Variants in IL16 observed in about 807,000 individuals in gnomAD.
IL16 encodes the protein interleukin 16, also known as pro-interleukin-16.
In IL16, 67 loss-of-function variants were observed where a neutral mutation model predicts 110.1. The observed-to-expected ratio is 0.61, with a 90% CI of 0.50 to 0.75. The LOEUF is 0.75. Among genes scored for constraint, IL16 ranks in the 30% least tolerant of loss-of-function variants. The pLI is 0.00. For synonymous variants in IL16, 689 were observed against 662.9 expected, an observed-to-expected ratio of 1.04 and a Z score of -0.61; for missense variants, 1,545 against 1,655.0, an observed-to-expected ratio of 0.93 and a Z score of 1.15.
chr15:81,292,460 T>C, intron 11 of IL16, 96 bp from the exon 12 acceptor site: 2 of 1,552,478 alleles, frequency 1.3e-6, no homozygotes, highest in Non-Finnish European at 8.9e-7. Context: ...ATGGCCGATG[T>C]GCAGTGTGCT....
rs1048992417 is a variant in IL16, at chr15:81,290,503, C to G, written c.1383C>G (p.Thr461=). ...KEAVAQAVEN[T]KFGKERHQWS... ...CTGTGGCCCAGGCTGTGGAAAACACCAAGTTTGGAAAGGAGAGGCATCAGT... is the reference window on the plus strand; with the variant it reads ...CTGTGGCCCAGGCTGTGGAAAACACGAAGTTTGGAAAGGAGAGGCATCAGT... Residue 461 remains threonine (T), a synonymous_variant, in exon 11 of 19, where the codon ACC becomes ACG. Coordinates refer to ENST00000683961, the MANE Select transcript of IL16 (RefSeq NM_172217.5). 27 of 1,613,302 alleles carry G rather than the reference C, an allele frequency of 1.7e-5. No homozygotes were observed. The highest frequency in any genetic ancestry group is 2.3e-5 in the Non-Finnish European group (27 of 1,179,614).
chr15:81,303,542 T>C lies in IL16; in HGVS notation c.3319-7T>C, dbSNP rs112611259. The C allele has an allele frequency of 6.3e-7, 1 of 1,590,234 alleles. No individual in the cohort carries two copies. ...AATGTTTTTGAATGTATGTATTTCC[T>C]CTGCAGCAATTAGACGGCATCCATG... On this transcript the variant is annotated splice_region_variant and splice_polypyrimidine_tract_variant and intron_variant, in intron 15 of 18. Transcript: ENST00000683961. The surrounding 1 kb of genome is among the most constrained non-coding windows in gnomAD (Gnocchi z 4.1).
intron 2 of IL16, among the ~76,000 whole-genome samples, chr15:81,255,028 A>C (rs547966959): frequency 6.6e-6 from 1 of 152,186 alleles, no homozygotes; most frequent in Admixed American, 6.5e-5. Flanking sequence ...GAGTCATGAG[A>C]GAGTTAGTGC....
chr15:81,298,934 G>A (rs1900124276), intron 13 of IL16, among the ~76,000 whole-genome samples: 1 of 152,190 alleles, frequency 6.6e-6, no homozygotes, highest in African/African-American at 2.4e-5. Context: ...CATGACCTTT[G>A]TCTTAAAAGT....
At chr15:81,210,994 T>G (rs1008789693) in intron 1 of IL16, among the ~76,000 whole-genome samples, 2 of 152,188 alleles carry the variant, frequency 1.3e-5, no homozygotes, top group African/African-American at 4.8e-5. Flanking sequence ...TAGATGGCTC[T>G]TATTATTTTG....
chr15:81,297,096 T>A lies in IL16; in HGVS notation c.2053+18T>A. The A allele has an allele frequency of 5.6e-6, 9 of 1,599,610 alleles. No individual in the cohort carries two copies. The highest frequency in any genetic ancestry group is 7.7e-6 in the Non-Finnish European group (9 of 1,173,626). On this transcript the variant is annotated intron_variant, in intron 13 of 18. Coordinates refer to ENST00000683961, the MANE Select transcript of IL16 (RefSeq NM_172217.5). The stretch of plus-strand genomic sequence containing the variant: ...CAGCCCAGGTAAGCTTTCATTGAGA[T>A]CTTCCAAAAGGAAGGGTCTTTTGAA...
intron 2 of IL16, among the ~76,000 whole-genome samples, chr15:81,257,296 A>G (rs567677995): frequency 6.6e-6 from 1 of 152,342 alleles, no homozygotes; most frequent in East Asian, 1.9e-4. Flanking sequence ...ACTGGAAACA[A>G]TCTTTTTCAA....
At chr15:81,215,903 G>A (rs1177044812) in intron 1 of IL16, among the ~76,000 whole-genome samples, 1 of 152,188 alleles carries the variant, frequency 6.6e-6, no homozygotes, top group African/African-American at 2.4e-5. Flanking sequence ...GCTGCACTGG[G>A]GATTCTATGT....
At position 81,247,076 on chromosome 15, in the gene IL16, C is replaced by CTTTTTTTTTTTTTTTTTTTTT. The variant is rs57484982; in HGVS notation, c.313-12676_313-12675insTTTTTTTTTTTTTTTTTTTTT. 1.4e-4 allele frequency among the ~76,000 whole-genome samples: 13 copies of CTTTTTTTTTTTTTTTTTTTTT among 92,616 alleles called. 2 individuals are homozygous for CTTTTTTTTTTTTTTTTTTTTT. The highest frequency in any genetic ancestry group is 2.9e-4 in the African/African-American group (6 of 20,786). 60.8% of individuals were successfully genotyped at this position (92,616 alleles called of 152,430 possible). On this transcript the variant is annotated intron_variant, in intron 2 of 18. Transcript: ENST00000683961. ...TTTGTGTTTTCTTTCTTTTCTTTTC[C>CTTTTTTTTTTTTTTTTTTTTT]TTTTTTTTTTTTTTTTTTTTGATCT...
rs1210301535 is a variant in IL16, at chr15:81,310,669, C to T, written c.*1871C>T. On this transcript the variant is annotated 3_prime_UTR_variant, in exon 19 of 19. Transcript: ENST00000683961. Reference sequence around the variant, plus strand: ...GGCACATTCCTTGCCTGCACAAACTCACCATCTGTGCACGCAGTGGCCTTC... The same window carrying T: ...GGCACATTCCTTGCCTGCACAAACTTACCATCTGTGCACGCAGTGGCCTTC... 6.6e-6 allele frequency: 1 copy of T among 152,208 alleles called. No homozygotes were observed. Among genetic ancestry groups the T allele is most frequent in the Non-Finnish European group, 1.5e-5 (1 of 68,048 alleles). 9.4% of individuals were successfully genotyped at this position (152,208 alleles called of 1,614,324 possible). A position where few individuals can be genotyped will look rare whatever the true frequency, so the allele number is the denominator to read the frequency against.
At chr15:81,246,238 T>G (rs181923678) in intron 2 of IL16, among the ~76,000 whole-genome samples, 9 of 151,740 alleles carry the variant, frequency 5.9e-5, no homozygotes, top group African/African-American at 2.2e-4. Flanking sequence ...TTTTAACATA[T>G]GCAGGGTCGT....
At chr15:81,308,412 G>A (rs551607079) in intron 18 of IL16, among the ~76,000 whole-genome samples, 193 bp from the exon 19 acceptor site, 2 of 152,314 alleles carry the variant, frequency 1.3e-5, no homozygotes, top group Admixed American at 1.3e-4. Context: ...TGGAGAGCTG[G>A]AGCCTGGTGC....
intron 9 of IL16, among the ~76,000 whole-genome samples, chr15:81,284,711 G>T (rs776633477): frequency 6.6e-6 from 1 of 152,192 alleles, no homozygotes; most frequent in Non-Finnish European, 1.5e-5. Flanking sequence ...ACCTGCTGAT[G>T]ACCAACTAGG....
chr15:81,231,324 G>GCCTCTC (rs1484027748), intron 2 of IL16, among the ~76,000 whole-genome samples: 1 of 47,126 alleles, frequency 2.1e-5, no homozygotes, highest in African/African-American at 7.9e-5. Context: ...AGGTCGGTCT[G>GCCTCTC]TCTCTCTCTC....
At chr15:81,282,869 T>C in intron 9 of IL16, 113 bp downstream of exon 9, 1 of 919,700 alleles carries the variant, frequency 1.1e-6, no homozygotes, top group Non-Finnish European at 1.7e-6. Context: ...GATCTTGTGG[T>C]GGAGATCAGC....
chr15:81,313,333 C>T lies in IL16; in HGVS notation c.*4535C>T. 1.3e-6 allele frequency: 2 copies of T among 1,578,414 alleles called. No homozygotes were observed. The highest frequency in any genetic ancestry group is 1.4e-5 in the African/African-American group (1 of 73,444). ...ATGCTGCGGGGGAAGAAGGAGTCCA[C>T]CACGTTCTGTGGGAGGTAACCGCTG... On this transcript the variant is annotated 3_prime_UTR_variant, in exon 19 of 19. Transcript: ENST00000683961.
chr15:81,298,972 TTTACACA>T (rs1168170514), intron 13 of IL16, among the ~76,000 whole-genome samples: 1 of 152,230 alleles, frequency 6.6e-6, no homozygotes, highest in Non-Finnish European at 1.5e-5. Flanking sequence ...TGCTTTGGCT[TTTACACA>T]TTTAACATGG....
At chr15:81,297,185 A>C (rs1261265476) in intron 13 of IL16, 107 bp downstream of exon 13, 1 of 1,073,104 alleles carries the variant, frequency 9.3e-7, no homozygotes, top group Non-Finnish European at 1.3e-6. Flanking sequence ...CTGCATTGAC[A>C]TCACCACTGG....
intron 2 of IL16, among the ~76,000 whole-genome samples, chr15:81,248,038 T>A (rs774748541): frequency 3.3e-5 from 5 of 152,196 alleles, no homozygotes; most frequent in Non-Finnish European, 2.9e-5. Context: ...CGGTTAAAAA[T>A]CTCATGCTAG....
Sources: gnomAD v4.1 joint callset for allele counts (sites outside exome capture counted in the v4.1 genomes callset) on GRCh38, gnomAD v4.1.1 for gene constraint, Gnocchi (gnomAD v3.1) non-coding constraint, MANE v1.5 for transcripts, NCBI Gene and HGNC (gene_info 2026-07-23, HGNC 2026-07-21) for gene names.